Variants in EPHA7 observed in about 807,000 individuals in gnomAD.
The protein encoded by EPHA7 is ephrin type-A receptor 7.
EPHA7 carries 25 observed loss-of-function variants against 112.6 expected under a neutral mutation model. The ratio of observed to expected loss-of-function variants is 0.22; its 90% CI spans 0.16 to 0.31. The LOEUF is 0.31. Among genes scored for constraint, EPHA7 ranks in the 10% least tolerant of loss-of-function variants. The pLI is 1.00. For missense variants in EPHA7, 962 were observed against 1,212.6 expected (o/e 0.79, Z 3.07); for synonymous variants, 437 against 406.5 (o/e 1.07, Z -0.90).
At chr6:93,399,431 T>C (rs1288577717) in intron 3 of EPHA7, among the ~76,000 whole-genome samples, 2 of 152,236 alleles carry the variant, frequency 1.3e-5, no homozygotes, top group East Asian at 1.9e-4. Flanking sequence ...AAAGATTTTA[T>C]TGAAGTAGCT....
At chr6:93,418,903 G>A (rs1779383120) in intron 1 of EPHA7, among the ~76,000 whole-genome samples, 1 of 152,226 alleles carries the variant, frequency 6.6e-6, no homozygotes, top group Non-Finnish European at 1.5e-5. Context: ...GCTAGAGAGA[G>A]ATGTGACCCG....
In EPHA7 at chr6:93,269,583, T is replaced by C; in HGVS notation, c.1527A>G (p.Thr509=). 6.2e-7 allele frequency: 1 copy of C among 1,605,832 alleles called. No homozygotes were observed. The highest frequency in any genetic ancestry group is 8.5e-7 in the Non-Finnish European group (1 of 1,175,966). The change falls in exon 7 of 17, where the codon ACA becomes ACG. Residue 509 remains threonine (T), a synonymous_variant. Transcript: ENST00000369303. ...SASINNLKPG[T]VYVFQIRAFT... ...AAGCCCGAATCTGGAAAACATACACTGTTCCTGGTTTCAGATTATTAATGG... is the reference window on the plus strand; with the variant it reads ...AAGCCCGAATCTGGAAAACATACACCGTTCCTGGTTTCAGATTATTAATGG...
intron 3 of EPHA7, among the ~76,000 whole-genome samples, chr6:93,392,107 T>C (rs1323418404): frequency 6.6e-6 from 1 of 151,986 alleles, no homozygotes; most frequent in African/African-American, 2.4e-5. Flanking sequence ...ATTCCTTCCA[T>C]CTCAGGATTC....
chr6:93,377,567 T>C (rs1218550375), intron 3 of EPHA7, among the ~76,000 whole-genome samples: 4 of 151,464 alleles, frequency 2.6e-5, no homozygotes, highest in African/African-American at 9.7e-5. Context: ...AAAAATGTGC[T>C]ACATAGATTT....
intron 6 of EPHA7, among the ~76,000 whole-genome samples, chr6:93,270,009 A>C (rs1435223542): frequency 6.6e-6 from 1 of 151,762 alleles, no homozygotes; most frequent in South Asian, 2.1e-4. Context: ...AGTAGAGGTC[A>C]TCAAATCATA....
In EPHA7 at chr6:93,242,561, C is replaced by T; in HGVS notation, c.*865G>A. ...CACCAACATTCTTCAGATGAAGTGC[C>T]TCATTTGTTTATATACTCATAAACC... On this transcript the variant is annotated 3_prime_UTR_variant, in exon 17 of 17. Transcript: ENST00000369303. 1 of 205,974 alleles carries T rather than the reference C, an allele frequency of 4.9e-6. No homozygotes were observed. Among genetic ancestry groups the T allele is most frequent in the East Asian group, 7.4e-5 (1 of 13,472 alleles). The allele number at this position is 205,974 out of a possible 1,614,324, so 12.8% of individuals were successfully genotyped here. A position where few individuals can be genotyped will look rare whatever the true frequency, so the allele number is the denominator to read the frequency against.
chr6:93,383,983 T>C (rs919458100), intron 3 of EPHA7, among the ~76,000 whole-genome samples: 1 of 152,280 alleles, frequency 6.6e-6, no homozygotes, highest in African/African-American at 2.4e-5. Flanking sequence ...CAACCATGCA[T>C]GGCCAACATG....
intron 3 of EPHA7, among the ~76,000 whole-genome samples, chr6:93,392,782 C>T (rs536261230): frequency 7.5e-4 from 113 of 151,596 alleles, no homozygotes; most frequent in Middle Eastern, 3.2e-3. Flanking sequence ...TAATAAAACA[C>T]CATTTATTAT....
chr6:93,286,687 G>C (rs1772081796), intron 5 of EPHA7, among the ~76,000 whole-genome samples: 1 of 152,088 alleles, frequency 6.6e-6, no homozygotes, highest in Non-Finnish European at 1.5e-5. Flanking sequence ...TTTTAAACTG[G>C]GGCTTGGAAG....
intron 5 of EPHA7, among the ~76,000 whole-genome samples, chr6:93,341,804 G>T (rs1417929721): frequency 6.6e-6 from 1 of 151,756 alleles, no homozygotes; most frequent in South Asian, 2.1e-4. Context: ...GAAGTGAAAG[G>T]TGACTCAATT....
chr6:93,267,628 A>G (rs181400877), intron 7 of EPHA7, among the ~76,000 whole-genome samples: 370 of 151,910 alleles, frequency 2.4e-3, no homozygotes, highest in African/African-American at 8.3e-3. Flanking sequence ...ATATATTGAT[A>G]GTAAAAATCA....
chr6:93,342,047 C>T (rs7751214), intron 5 of EPHA7, among the ~76,000 whole-genome samples: 30,362 of 151,436 alleles, frequency 0.2, 3,318 homozygotes, highest in East Asian at 0.32. Context: ...CAATAAAGGC[C>T]GAAATTGGAT....
intron 5 of EPHA7, among the ~76,000 whole-genome samples, chr6:93,276,484 G>A (rs796539554): frequency 7.9e-5 from 12 of 152,152 alleles, no homozygotes; most frequent in Admixed American, 3.3e-4. Context: ...AAGACCAGCC[G>A]ATAACTTGAT....
At chr6:93,335,609 C>T (rs909352385) in intron 5 of EPHA7, among the ~76,000 whole-genome samples, 1 of 151,996 alleles carries the variant, frequency 6.6e-6, no homozygotes, top group South Asian at 2.1e-4. Flanking sequence ...AAGGAATAAC[C>T]TGTTAGACCC....
intron 5 of EPHA7, among the ~76,000 whole-genome samples, chr6:93,341,096 A>T (rs566421578): frequency 6.6e-6 from 1 of 152,064 alleles, no homozygotes; most frequent in African/African-American, 2.4e-5. Flanking sequence ...TATTTAGTCT[A>T]TTAAAGATTG....
Position 93,245,251 on chromosome 6 carries a change from T to C in EPHA7, c.2882+47A>G, listed in dbSNP as rs756802493. The C allele has an allele frequency of 3.2e-6, 5 of 1,542,008 alleles. No homozygotes were observed. In the Admixed American group the frequency reaches 7.1e-5, roughly 22 times the overall value. On this transcript the variant is annotated intron_variant, in intron 16 of 16. Coordinates refer to ENST00000369303, the MANE Select transcript of EPHA7 (RefSeq NM_004440.4). ...GATAACCTAATGTATAAAGTGTAGA[T>C]TGTACCTAATAAATCCTTAAATACA...
At chr6:93,287,608 T>G (rs540757669) in intron 5 of EPHA7, among the ~76,000 whole-genome samples, 192 of 152,046 alleles carry the variant, frequency 1.3e-3, no homozygotes, top group African/African-American at 4.4e-3. Flanking sequence ...CATGGGGGTT[T>G]GTTGTACAGA....
chr6:93,384,988 A>C (rs534268920), intron 3 of EPHA7, among the ~76,000 whole-genome samples: 1 of 152,320 alleles, frequency 6.6e-6, no homozygotes, highest in East Asian at 1.9e-4. Flanking sequence ...AATATAAAAT[A>C]TATGGCAAAA....
At chr6:93,417,576 G>A (rs906227847) in intron 1 of EPHA7, among the ~76,000 whole-genome samples, 4 of 152,228 alleles carry the variant, frequency 2.6e-5, no homozygotes, top group Non-Finnish European at 5.9e-5. Flanking sequence ...TAGTGATGCA[G>A]TTATTTATAG....
Sources: allele counts gnomAD v4.1 joint callset (sites outside exome capture counted in the v4.1 genomes callset), GRCh38; gene constraint gnomAD v4.1.1; transcripts MANE v1.5; gene names NCBI Gene and HGNC (gene_info 2026-07-23, HGNC 2026-07-21).